The following PRKG1 variants were observed in gnomAD, a reference collection of about 807,000 sequenced individuals.
PRKG1 encodes cGMP-dependent protein kinase 1.
PRKG1 carries 35 observed loss-of-function variants against 88.1 expected under a neutral mutation model. The ratio of observed to expected loss-of-function variants is 0.40; its 90% CI spans 0.30 to 0.53. The LOEUF is 0.53. Ranked by LOEUF, PRKG1 falls within the 20% of genes least tolerant of loss-of-function variation. The probability of loss-of-function intolerance (pLI) is 0.59; values close to 1 mark genes in which losing one functional copy is unlikely to be tolerated. For synonymous variants in PRKG1, 303 were observed against 292.5 expected (o/e 1.04, Z -0.37); for missense variants, 540 against 839.8 (o/e 0.64, Z 4.41).
At chr10:51,417,124 C>A (rs1212054722) in intron 2 of PRKG1, among the ~76,000 whole-genome samples, 2 of 152,120 alleles carry the variant, frequency 1.3e-5, no homozygotes, top group Non-Finnish European at 2.9e-5. Context: ...TTTCAATAAT[C>A]TTGTTTCTGT....
chr10:52,057,757 A>G (rs1462901068), intron 6 of PRKG1, among the ~76,000 whole-genome samples: 1 of 152,180 alleles, frequency 6.6e-6, no homozygotes. Context: ...AAACATGCCA[A>G]TTAAATATGT....
intron 2 of PRKG1, among the ~76,000 whole-genome samples, chr10:51,308,814 TGA>T (rs1474112047): frequency 2.0e-5 from 3 of 152,076 alleles, no homozygotes; most frequent in Admixed American, 6.5e-5. Context: ...CAAGCTCAGA[TGA>T]GACCTCACTG....
intron 1 of PRKG1, among the ~76,000 whole-genome samples, chr10:51,110,057 A>G (rs1844946585): frequency 6.6e-6 from 1 of 152,178 alleles, no homozygotes; most frequent in Admixed American, 6.6e-5. Context: ...GAATGATCAT[A>G]CTAAGTCAGA....
intron 9 of PRKG1, among the ~76,000 whole-genome samples, chr10:52,196,923 A>G (rs1436077043): frequency 6.6e-6 from 1 of 152,296 alleles, no homozygotes; most frequent in African/African-American, 2.4e-5. Context: ...AGAAAGTGCT[A>G]TTTAGTGTAG....
chr10:51,316,905 G>C (rs187739557), intron 2 of PRKG1, among the ~76,000 whole-genome samples: 11 of 151,964 alleles, frequency 7.2e-5, no homozygotes, highest in Admixed American at 7.2e-4. Flanking sequence ...AAAAATGAGT[G>C]GATAGTTAAA....
chr10:51,059,265 G>A (rs1843668199), intron 1 of PRKG1, among the ~76,000 whole-genome samples: 1 of 151,910 alleles, frequency 6.6e-6, no homozygotes, highest in Non-Finnish European at 1.5e-5. Context: ...TTCTTTTTGT[G>A]GTACCATAAA....
intron 1 of PRKG1, among the ~76,000 whole-genome samples, chr10:50,996,046 C>A (rs1842833684): frequency 6.6e-6 from 1 of 152,186 alleles, no homozygotes; most frequent in African/African-American, 2.4e-5. Flanking sequence ...TAGGTCTTAG[C>A]TGAATTCTGG....
At chr10:51,094,916 A>G (rs1160779452) in intron 1 of PRKG1, among the ~76,000 whole-genome samples, 1 of 152,136 alleles carries the variant, frequency 6.6e-6, no homozygotes, top group African/African-American at 2.4e-5. Flanking sequence ...CATTTGAGTC[A>G]CTTGAAGCTT....
At chr10:51,488,996 A>C (rs576127816) in intron 3 of PRKG1, among the ~76,000 whole-genome samples, 90 of 152,272 alleles carry the variant, frequency 5.9e-4, no homozygotes, top group African/African-American at 2.0e-3. Flanking sequence ...AAAACAAAAC[A>C]AAACAAAAAA....
intron 5 of PRKG1, chr10:51,908,736 T>TATCTATCTATCTA (rs1564703535): frequency 7.0e-5 from 9 of 127,822 alleles, no homozygotes; most frequent in African/African-American, 2.3e-4. Context: ...TATATGTAAT[T>TATCTATCTATCTA]TTTTTTTTTT....
At chr10:51,218,128 A>C (rs1304446529) in intron 2 of PRKG1, among the ~76,000 whole-genome samples, 1 of 152,154 alleles carries the variant, frequency 6.6e-6, no homozygotes, top group Admixed American at 6.6e-5. Context: ...TTTGAAAGGC[A>C]TGTATTTTCT....
At chr10:51,033,787 C>T (rs149121921) in intron 1 of PRKG1, among the ~76,000 whole-genome samples, 21 of 152,164 alleles carry the variant, frequency 1.4e-4, no homozygotes, top group South Asian at 8.3e-4. Context: ...ATTGAGGACA[C>T]GGAGGAAAAA....
intron 7 of PRKG1, among the ~76,000 whole-genome samples, chr10:52,078,532 T>A (rs1165673669): frequency 6.6e-6 from 1 of 152,232 alleles, no homozygotes; most frequent in Non-Finnish European, 1.5e-5. Flanking sequence ...TAACCTATGA[T>A]AATCATGTCC....
intron 2 of PRKG1, among the ~76,000 whole-genome samples, chr10:51,166,826 G>A (rs1009142689): frequency 6.6e-6 from 1 of 152,012 alleles, no homozygotes; most frequent in Non-Finnish European, 1.5e-5. Context: ...GATAAAGCGG[G>A]GTGTGACTTT....
At chr10:51,723,621 A>AAAAAAGG (rs1554835585) in intron 3 of PRKG1, among the ~76,000 whole-genome samples, 2 of 150,854 alleles carry the variant, frequency 1.3e-5, no homozygotes, top group African/African-American at 2.4e-5. Flanking sequence ...GCATGACAAA[A>AAAAAAGG]AAAAAGAAAA....
At chr10:51,600,324 A>G (rs1838565210) in intron 3 of PRKG1, among the ~76,000 whole-genome samples, 2 of 152,308 alleles carry the variant, frequency 1.3e-5, no homozygotes, top group South Asian at 4.1e-4. Context: ...CCTTCTTCAT[A>G]TCAAAGGTAA....
intron 3 of PRKG1, among the ~76,000 whole-genome samples, chr10:51,634,925 A>G (rs1181453438): frequency 2.6e-5 from 4 of 152,090 alleles, no homozygotes; most frequent in African/African-American, 7.2e-5. Flanking sequence ...AACAATATAC[A>G]CCAGGGCATA....
chr10:51,862,252 C>T (rs1840896441), intron 4 of PRKG1, among the ~76,000 whole-genome samples: 1 of 152,176 alleles, frequency 6.6e-6, no homozygotes, highest in Non-Finnish European at 1.5e-5. Flanking sequence ...TGTCACAGCT[C>T]ATTTAGTCCT....
intron 10 of PRKG1, among the ~76,000 whole-genome samples, chr10:52,263,609 C>G (rs1246341911): frequency 1.3e-5 from 2 of 148,846 alleles, no homozygotes; most frequent in African/African-American, 5.0e-5. Flanking sequence ...CAGGGTCTTG[C>G]TCTGTCACCC....
Sources: allele counts gnomAD v4.1 joint callset (sites outside exome capture counted in the v4.1 genomes callset), GRCh38; gene constraint gnomAD v4.1.1; transcripts MANE v1.5; gene names NCBI Gene and HGNC (gene_info 2026-07-23, HGNC 2026-07-21).